The following WDR41 variants were observed in gnomAD, a reference collection of about 807,000 sequenced individuals.
WDR41 encodes the protein WD repeat-containing protein 41.
A neutral mutation model predicts 69.3 loss-of-function variants in WDR41; 63 were observed. The observed-to-expected ratio is 0.91, with a 90% CI of 0.74 to 1.12. The LOEUF (loss-of-function observed/expected upper bound fraction) is 1.12, where lower values mean the gene tolerates loss of function less well. WDR41 is among the 50% of genes most tolerant of loss of function. WDR41 has a pLI of 0.00. For synonymous variants in WDR41, 185 were observed against 192.1 expected (o/e 0.96, Z 0.31); for missense variants, 543 against 534.5 (o/e 1.02, Z -0.16).
intron 1 of WDR41, among the ~76,000 whole-genome samples, chr5:77,612,921 T>A (rs1744592112): frequency 3.3e-5 from 5 of 151,730 alleles, no homozygotes; most frequent in African/African-American, 2.4e-5. Context: ...AAATCTCCTT[T>A]AGCTGATAAG....
chr5:77,525,865 G>A (rs1280796363), intron 1 of WDR41, among the ~76,000 whole-genome samples: 1 of 152,128 alleles, frequency 6.6e-6, no homozygotes, highest in Non-Finnish European at 1.5e-5. Context: ...CCAAAGGAGT[G>A]GAGCTCATTA....
At chr5:77,538,509 G>A (rs1222728175) in intron 1 of WDR41, among the ~76,000 whole-genome samples, 1 of 152,044 alleles carries the variant, frequency 6.6e-6, no homozygotes, top group Non-Finnish European at 1.5e-5. Context: ...TTTATGTCCA[G>A]GTGTATCCAA....
At chr5:77,456,075 T>C (rs1799820994) in intron 5 of WDR41, among the ~76,000 whole-genome samples, 1 of 152,170 alleles carries the variant, frequency 6.6e-6, no homozygotes, top group Admixed American at 6.5e-5. Context: ...ATAACAATAG[T>C]AAATCTGATC....
At chr5:77,616,619 C>T (rs1355242235) in intron 1 of WDR41, among the ~76,000 whole-genome samples, 1 of 152,166 alleles carries the variant, frequency 6.6e-6, no homozygotes, top group African/African-American at 2.4e-5. Context: ...GTGTTGCATA[C>T]ACATACATTT....
At chr5:77,601,659 C>T (rs1389760287) in intron 1 of WDR41, among the ~76,000 whole-genome samples, 5 of 151,926 alleles carry the variant, frequency 3.3e-5, no homozygotes, top group East Asian at 1.9e-4. Flanking sequence ...CTTTTCTAAA[C>T]GCAGCTACAC....
chr5:77,558,106 A>AAAAAC (rs1372997750), intron 1 of WDR41, among the ~76,000 whole-genome samples: 10 of 148,954 alleles, frequency 6.7e-5, no homozygotes, highest in African/African-American at 2.5e-4. Context: ...AAAAAAAAAA[A>AAAAAC]AAAAAAAAAA....
intron 1 of WDR41, among the ~76,000 whole-genome samples, chr5:77,554,543 T>C (rs1261496840): frequency 6.6e-6 from 1 of 151,950 alleles, no homozygotes; most frequent in Non-Finnish European, 1.5e-5. Context: ...CTGAATCTGC[T>C]GATGTATTGA....
intron 1 of WDR41, among the ~76,000 whole-genome samples, chr5:77,577,962 A>G (rs1460062434): frequency 1.2e-4 from 19 of 152,372 alleles, no homozygotes; most frequent in Non-Finnish European, 7.3e-5. Flanking sequence ...AGCCTATTTT[A>G]TAATAAAGTG....
chr5:77,458,449 T>C (rs534666684), intron 5 of WDR41, among the ~76,000 whole-genome samples: 1 of 152,272 alleles, frequency 6.6e-6, no homozygotes, highest in Middle Eastern at 3.4e-3. Flanking sequence ...AAAACTTGCT[T>C]ACATTACTAA....
At chr5:77,480,978 GACA>G (rs1232379232) in intron 2 of WDR41, among the ~76,000 whole-genome samples, 2 of 151,780 alleles carry the variant, frequency 1.3e-5, no homozygotes, top group Non-Finnish European at 2.9e-5. Context: ...ACTTGCTTGA[GACA>G]ATGAATTAGG....
chr5:77,556,096 T>A (rs951116871), intron 1 of WDR41, among the ~76,000 whole-genome samples: 1 of 42,838 alleles, frequency 2.3e-5, no homozygotes. Context: ...AAAGATGGAC[T>A]TTTTTTTTTT....
At chr5:77,555,086 C>T (rs1464309125) in intron 1 of WDR41, among the ~76,000 whole-genome samples, 2 of 111,490 alleles carry the variant, frequency 1.8e-5, no homozygotes, top group Non-Finnish European at 2.0e-5. Context: ...GACCCTGTTT[C>T]AAAAAAAAAA....
At chr5:77,615,515 G>C (rs1744662560) in intron 1 of WDR41, among the ~76,000 whole-genome samples, 1 of 151,858 alleles carries the variant, frequency 6.6e-6, no homozygotes, top group African/African-American at 2.4e-5. Flanking sequence ...TTCTACATTT[G>C]AATATGTTTG....
intron 12 of WDR41, among the ~76,000 whole-genome samples, chr5:77,433,503 C>G (rs765916710): frequency 1.3e-5 from 2 of 152,100 alleles, no homozygotes; most frequent in Non-Finnish European, 2.9e-5. Flanking sequence ...TACAGAATAG[C>G]TATTTTTGTA....
chr5:77,556,254 G>A (rs1743392001), intron 1 of WDR41, among the ~76,000 whole-genome samples: 1 of 151,974 alleles, frequency 6.6e-6, no homozygotes, highest in Admixed American at 6.5e-5. Flanking sequence ...ATAGGCCCAT[G>A]CCACCACGCC....
intron 4 of WDR41, among the ~76,000 whole-genome samples, chr5:77,462,718 G>A (rs1800125061): frequency 6.6e-6 from 1 of 151,912 alleles, no homozygotes; most frequent in Admixed American, 6.6e-5. Context: ...TGTATAGTGG[G>A]GAAAAAAAAT....
intron 2 of WDR41, among the ~76,000 whole-genome samples, chr5:77,477,804 A>C (rs1457055273): frequency 7.5e-6 from 1 of 133,004 alleles, no homozygotes; most frequent in African/African-American, 3.2e-5. Flanking sequence ...AGCTAGCAGA[A>C]GGCAAGAAAT....
chr5:77,468,588 T>C (rs4704424), intron 2 of WDR41, among the ~76,000 whole-genome samples: 50,061 of 151,762 alleles, frequency 0.33, 8,278 homozygotes, highest in Admixed American at 0.35. Context: ...TGTGAAGGCC[T>C]TTCAACTAAG....
At chr5:77,492,022 G>A in intron 1 of WDR41, 148 bp downstream of exon 1, 1 of 1,033,136 alleles carries the variant, frequency 9.7e-7, no homozygotes, top group Non-Finnish European at 1.4e-6. Flanking sequence ...CGCCCCCACC[G>A]TCGTGAGAAC....
Sources: allele counts gnomAD v4.1 joint callset (sites outside exome capture counted in the v4.1 genomes callset), GRCh38; gene constraint gnomAD v4.1.1; transcripts MANE v1.5; gene names NCBI Gene and HGNC (gene_info 2026-07-23, HGNC 2026-07-21).